Variants in NELL1 observed in about 807,000 individuals in gnomAD.
The protein encoded by NELL1 is protein kinase C-binding protein NELL1.
Under a neutral mutation model 107.4 loss-of-function variants are expected in NELL1, and 76 were observed. The ratio of observed to expected loss-of-function variants is 0.71; its 90% CI spans 0.59 to 0.86. NELL1 has a LOEUF of 0.86. Ranked by LOEUF, NELL1 falls within the 40% of genes least tolerant of loss-of-function variation. The pLI, the probability that NELL1 is intolerant of heterozygous loss-of-function variation, is 0.00. For synonymous variants in NELL1, 353 were observed against 341.2 expected, an observed-to-expected ratio of 1.03 and a Z score of -0.38; for missense variants, 1,024 against 1,005.5, an observed-to-expected ratio of 1.02 and a Z score of -0.25.
chr11:20,986,881 T>G (rs1295665457), intron 12 of NELL1, among the ~76,000 whole-genome samples: 1 of 152,230 alleles, frequency 6.6e-6, no homozygotes, highest in Non-Finnish European at 1.5e-5. Flanking sequence ...ACGTCAATTT[T>G]ATAATCTTCA....
intron 13 of NELL1, chr11:21,169,612 A>G (rs940115324): frequency 2.8e-6 from 1 of 351,020 alleles, no homozygotes; most frequent in Non-Finnish European, 5.1e-6. Context: ...TTTATTTTGC[A>G]TGCATTCTTT....
chr11:20,881,143 C>G (rs1439176835), intron 4 of NELL1, among the ~76,000 whole-genome samples: 1 of 152,100 alleles, frequency 6.6e-6, no homozygotes, highest in African/African-American at 2.4e-5. Flanking sequence ...GATAAGTAAG[C>G]CTAGTTAGGA....
At chr11:21,461,126 T>A (rs191542540) in intron 15 of NELL1, among the ~76,000 whole-genome samples, 2 of 152,212 alleles carry the variant, frequency 1.3e-5, no homozygotes, top group East Asian at 3.9e-4. Flanking sequence ...AATTCCATAA[T>A]TGATAACAAT....
At position 20,873,821 on chromosome 11, in the gene NELL1, C is replaced by T. The variant is rs113961900; in HGVS notation, c.507-11623C>T. Among the ~76,000 whole-genome samples the T allele has an allele frequency of 9.1e-3, 1,357 of 148,720 alleles. 16 individuals are homozygous for T. Among genetic ancestry groups the T allele is most frequent in the African/African-American group, 0.032 (1,263 of 39,896 alleles). On this transcript the variant is annotated intron_variant, in intron 4 of 19. Transcript: ENST00000357134. ...TCACTCTGTTGCCCAGGCAGTCCAT[C>T]GGTGCAGTCACAGCTCACCGCAGCC...
At chr11:20,775,169 G>T (rs146001053) in intron 2 of NELL1, among the ~76,000 whole-genome samples, 1 of 152,188 alleles carries the variant, frequency 6.6e-6, no homozygotes, top group East Asian at 1.9e-4. Flanking sequence ...GTGGAAAGAG[G>T]AAAAATTTCA....
intron 13 of NELL1, among the ~76,000 whole-genome samples, chr11:21,193,463 G>A (rs997616688): frequency 1.3e-5 from 2 of 151,616 alleles, no homozygotes; most frequent in Non-Finnish European, 2.9e-5. Context: ...CTGGCATCTT[G>A]AAAAATAAAA....
chr11:20,825,554 C>A (rs932609777), intron 3 of NELL1, among the ~76,000 whole-genome samples: 6 of 151,266 alleles, frequency 4.0e-5, no homozygotes, highest in Non-Finnish European at 8.9e-5. Context: ...TTGATTATTG[C>A]CTCATTGGAT....
intron 4 of NELL1, among the ~76,000 whole-genome samples, chr11:20,859,807 AG>A (rs11317558): frequency 0.76 from 115,063 of 151,586 alleles, 44,768 homozygotes; most frequent in East Asian, 0.95. Flanking sequence ...AGAGCACAGG[AG>A]GTAGGCGAAC....
chr11:20,797,373 G>A (rs139655121), intron 3 of NELL1, among the ~76,000 whole-genome samples: 5,103 of 152,002 alleles, frequency 0.034, 282 homozygotes, highest in African/African-American at 0.12. Context: ...GACCATCCTG[G>A]CTAACACGGT....
chr11:20,752,233 C>G (rs965903544), intron 2 of NELL1, among the ~76,000 whole-genome samples: 3 of 151,946 alleles, frequency 2.0e-5, no homozygotes, highest in Non-Finnish European at 4.4e-5. Flanking sequence ...TCATGTATTC[C>G]TACTTTGCTG....
chr11:20,754,573 G>A (rs1303412367), intron 2 of NELL1, among the ~76,000 whole-genome samples: 2 of 151,972 alleles, frequency 1.3e-5, no homozygotes, highest in Non-Finnish European at 2.9e-5. Flanking sequence ...AATTATGCAG[G>A]GTCTCCAACT....
At chr11:21,268,754 A>G (rs1050337805) in intron 14 of NELL1, among the ~76,000 whole-genome samples, 7 of 152,220 alleles carry the variant, frequency 4.6e-5, no homozygotes, top group African/African-American at 1.7e-4. Flanking sequence ...GTTATCAAGA[A>G]AAAATGGCAA....
chr11:21,473,857 C>T (rs545950713), intron 15 of NELL1, among the ~76,000 whole-genome samples: 8 of 152,106 alleles, frequency 5.3e-5, no homozygotes, highest in African/African-American at 1.9e-4. Flanking sequence ...ACAAAATATC[C>T]GTTAAAATTT....
At chr11:20,847,895 A>G in intron 4 of NELL1, 142 bp downstream of exon 4, 1 of 821,660 alleles carries the variant, frequency 1.2e-6, no homozygotes, top group Non-Finnish European at 1.9e-6. Flanking sequence ...ACCAAATGGG[A>G]CCTTAGGCAT....
At chr11:20,708,850 A>T (rs1481544011) in intron 2 of NELL1, among the ~76,000 whole-genome samples, 28 of 152,182 alleles carry the variant, frequency 1.8e-4, no homozygotes. Flanking sequence ...GACCAGTTGC[A>T]TGGAAGACAA....
chr11:21,015,362 G>T (rs1478939583), intron 12 of NELL1, among the ~76,000 whole-genome samples: 2 of 152,040 alleles, frequency 1.3e-5, no homozygotes, highest in African/African-American at 4.8e-5. Context: ...TACTTGATAC[G>T]TGGGCTCATG....
chr11:21,078,341 G>A (rs10833455), intron 12 of NELL1, among the ~76,000 whole-genome samples: 64,625 of 151,758 alleles, frequency 0.43, 14,062 homozygotes, highest in African/African-American at 0.49. Flanking sequence ...ATACCAGCAG[G>A]TAATTTAAAA....
At chr11:20,923,814 A>G (rs1850432353) in intron 7 of NELL1, among the ~76,000 whole-genome samples, 1 of 152,194 alleles carries the variant, frequency 6.6e-6, no homozygotes, top group Non-Finnish European at 1.5e-5. Flanking sequence ...TTCAATAATG[A>G]TTTTTTGATT....
At chr11:20,995,155 G>A (rs1285338249) in intron 12 of NELL1, among the ~76,000 whole-genome samples, 1 of 152,002 alleles carries the variant, frequency 6.6e-6, no homozygotes, top group Non-Finnish European at 1.5e-5. Flanking sequence ...TTGCTGCAGA[G>A]AAAATTGATC....
Sources: gnomAD v4.1 joint callset for allele counts (sites outside exome capture counted in the v4.1 genomes callset) on GRCh38, gnomAD v4.1.1 for gene constraint, MANE v1.5 for transcripts, NCBI Gene and HGNC (gene_info 2026-07-23, HGNC 2026-07-21) for gene names.